The following OPCML variants were observed in gnomAD, a reference collection of about 807,000 sequenced individuals.
The protein encoded by OPCML is opioid binding protein/cell adhesion molecule like, also known as opioid-binding protein/cell adhesion molecule.
Under a neutral mutation model 37.8 loss-of-function variants are expected in OPCML, and 13 were observed. The observed-to-expected ratio is 0.34, with a 90% CI of 0.22 to 0.55. The LOEUF (loss-of-function observed/expected upper bound fraction) is 0.55, where lower values mean the gene tolerates loss of function less well. Among genes scored for constraint, OPCML ranks in the 20% least tolerant of loss-of-function variants. The pLI is 0.91. For synonymous variants in OPCML, 176 were observed against 168.8 expected (o/e 1.04, Z -0.33); for missense variants, 341 against 435.6 (o/e 0.78, Z 1.93).
At chr11:132,809,197 C>T (rs1343947326) in intron 2 of OPCML, among the ~76,000 whole-genome samples, 1 of 152,164 alleles carries the variant, frequency 6.6e-6, no homozygotes, top group Non-Finnish European at 1.5e-5. Context: ...CATTCGCTGA[C>T]GCTAAGAAGC....
chr11:132,711,891 A>G (rs1039774336), intron 2 of OPCML, among the ~76,000 whole-genome samples: 2 of 152,214 alleles, frequency 1.3e-5, no homozygotes, highest in African/African-American at 4.8e-5. Flanking sequence ...CACGCGTGCA[A>G]TAATGGTATA....
chr11:132,652,509 T>A (rs1281789946), intron 3 of OPCML, among the ~76,000 whole-genome samples: 1 of 152,132 alleles, frequency 6.6e-6, no homozygotes, highest in Non-Finnish European at 1.5e-5. Flanking sequence ...GTGGCCATGG[T>A]TCAAGACCCA....
rs116135496 is a variant in OPCML, at chr11:133,074,604, G to C, written c.62-131594C>G. ...GAGGATGGTAGCCATGGCCTGGGGAGAGTAAAGGATGCCCACCAGCTAGTC... is the reference window on the plus strand; with the variant it reads ...GAGGATGGTAGCCATGGCCTGGGGACAGTAAAGGATGCCCACCAGCTAGTC... On this transcript the variant is annotated intron_variant, in intron 1 of 7. Transcript: ENST00000524381. Among the ~76,000 whole-genome samples the C allele has an allele frequency of 4.7e-3, 720 of 152,312 alleles. 10 individuals are homozygous for C. The highest frequency in any genetic ancestry group is 0.017 in the African/African-American group (693 of 41,552).
chr11:132,440,334 G>GT (rs531730416), intron 4 of OPCML, among the ~76,000 whole-genome samples: 3,056 of 146,068 alleles, frequency 0.021, 53 homozygotes, highest in African/African-American at 0.047. Context: ...ATTCTTTAGA[G>GT]TTTTTTTTTT....
At chr11:133,128,402 G>T (rs916612591) in intron 1 of OPCML, among the ~76,000 whole-genome samples, 3 of 152,046 alleles carry the variant, frequency 2.0e-5, no homozygotes, top group Non-Finnish European at 2.9e-5. Context: ...TAGGAGGGAT[G>T]AAAAAATGGA....
intron 1 of OPCML, among the ~76,000 whole-genome samples, chr11:133,012,326 G>A (rs900214332): frequency 1.1e-4 from 17 of 152,150 alleles, no homozygotes; most frequent in African/African-American, 3.9e-4. Context: ...AAGGTCCTTA[G>A]CAACAAATTC....
At chr11:133,024,072 G>A (rs994691696) in intron 1 of OPCML, among the ~76,000 whole-genome samples, 1 of 152,184 alleles carries the variant, frequency 6.6e-6, no homozygotes, top group Non-Finnish European at 1.5e-5. Flanking sequence ...GTGCTAGACA[G>A]CTCCCTCCCA....
At chr11:132,480,442 T>C (rs2096175600) in intron 4 of OPCML, among the ~76,000 whole-genome samples, 2 of 152,142 alleles carry the variant, frequency 1.3e-5, no homozygotes, top group African/African-American at 4.8e-5. Flanking sequence ...TGGAAAACAC[T>C]ATGCAGGATA....
chr11:133,182,081 C>G (rs548975644), intron 1 of OPCML, among the ~76,000 whole-genome samples: 1 of 152,150 alleles, frequency 6.6e-6, no homozygotes, highest in Non-Finnish European at 1.5e-5. Flanking sequence ...TGATTAACAC[C>G]TTCAGATTTT....
chr11:133,012,971 C>G (rs939929070), intron 1 of OPCML, among the ~76,000 whole-genome samples: 4 of 152,152 alleles, frequency 2.6e-5, no homozygotes, highest in South Asian at 2.1e-4. Context: ...TGGCTCCCTT[C>G]CCAAAGGACT....
intron 2 of OPCML, among the ~76,000 whole-genome samples, chr11:132,691,326 G>T (rs1156598054): frequency 6.6e-6 from 1 of 152,168 alleles, no homozygotes; most frequent in African/African-American, 2.4e-5. Context: ...AACAGCTAGT[G>T]AGCCTCCTGA....
intron 4 of OPCML, among the ~76,000 whole-genome samples, chr11:132,518,558 G>T (rs1301904872): frequency 6.6e-6 from 1 of 152,174 alleles, no homozygotes. Context: ...TCCCTGCCTT[G>T]AAGGCTTCTA....
intron 1 of OPCML, among the ~76,000 whole-genome samples, chr11:133,375,444 C>A (rs1944781919): frequency 6.6e-6 from 1 of 152,216 alleles, no homozygotes; most frequent in African/African-American, 2.4e-5. Context: ...GACATTATTT[C>A]TTACACCTCA....
intron 1 of OPCML, chr11:133,003,916 G>T (rs1947057555): frequency 1.0e-6 from 1 of 985,428 alleles, no homozygotes; most frequent in Non-Finnish European, 1.2e-6. Flanking sequence ...TCCCGGTGGG[G>T]CTTCTGGTCA....
At chr11:132,822,522 G>T (rs1042094646) in intron 2 of OPCML, among the ~76,000 whole-genome samples, 1 of 152,070 alleles carries the variant, frequency 6.6e-6, no homozygotes, top group Non-Finnish European at 1.5e-5. Flanking sequence ...GTGTGTGTGT[G>T]TGCGCGCACA....
intron 2 of OPCML, among the ~76,000 whole-genome samples, chr11:132,752,637 G>C (rs1200954874): frequency 6.6e-6 from 1 of 151,376 alleles, no homozygotes; most frequent in Non-Finnish European, 1.5e-5. Flanking sequence ...TCCTTACAAA[G>C]AATTTAGCTC....
intron 1 of OPCML, among the ~76,000 whole-genome samples, chr11:132,982,341 TA>T (rs75916635): frequency 0.25 from 38,741 of 151,948 alleles, 5,487 homozygotes; most frequent in African/African-American, 0.38. Context: ...TCTCCCTCCT[TA>T]ACGCTTATAC....
Position 133,206,752 on chromosome 11 carries a change from G to T in OPCML, c.62-263742C>A, listed in dbSNP as rs1212584845. Among the ~76,000 whole-genome samples the T allele has an allele frequency of 6.6e-6, 1 of 152,204 alleles. No homozygotes were observed. Among genetic ancestry groups the T allele is most frequent in the African/African-American group, 2.4e-5 (1 of 41,446 alleles). On this transcript the variant is annotated intron_variant, in intron 1 of 7. Coordinates refer to ENST00000524381, the MANE Select transcript of OPCML (RefSeq NM_001012393.5). This position sits in a 1 kb window ranked among gnomAD's most constrained non-coding sequence, Gnocchi z 4.7. ...ACCCACTGGTCTAAAATGGAAACAA[G>T]AAATGCACTGCCTCGGCGGAGTCTT...
chr11:133,141,929 C>T (rs1427892119), intron 1 of OPCML, among the ~76,000 whole-genome samples: 2 of 152,158 alleles, frequency 1.3e-5, no homozygotes, highest in Non-Finnish European at 2.9e-5. Flanking sequence ...ATTACCTCCA[C>T]CCTGACTTTC....
Sources: gnomAD v4.1 joint callset for allele counts (sites outside exome capture counted in the v4.1 genomes callset) on GRCh38, gnomAD v4.1.1 for gene constraint, Gnocchi (gnomAD v3.1) non-coding constraint, MANE v1.5 for transcripts, NCBI Gene and HGNC (gene_info 2026-07-23, HGNC 2026-07-21) for gene names.